The following NBAS variants were observed in gnomAD, a reference collection of about 807,000 sequenced individuals.
The protein encoded by NBAS is NBAS subunit of NRZ tethering complex, also known as NAG/BC035112 fusion.
Under a neutral mutation model 302.5 loss-of-function variants are expected in NBAS, and 219 were observed. The ratio of observed to expected loss-of-function variants is 0.72; its 90% CI spans 0.65 to 0.81. NBAS has a LOEUF of 0.81. NBAS is among the 30% of genes least tolerant of loss of function. The pLI is 0.00. For missense variants in NBAS, 2,932 were observed against 2,841.6 expected (o/e 1.03, Z -0.72); for synonymous variants, 1,118 against 1,021.6 (o/e 1.09, Z -1.80).
chr2:15,539,878 A>G (rs1335547710), intron 6 of NBAS, among the ~76,000 whole-genome samples: 1 of 152,176 alleles, frequency 6.6e-6, no homozygotes, highest in Non-Finnish European at 1.5e-5. Context: ...ACACACTCAC[A>G]CACATATACA....
chr2:15,397,370 G>T, intron 26 of NBAS: 1 of 263,566 alleles, frequency 3.8e-6, no homozygotes, highest in South Asian at 6.0e-5. Context: ...TTTTTTTTCA[G>T]TACAATTTCC....
the NBAS span, among the ~76,000 whole-genome samples, chr2:15,024,581 T>C: frequency 0.8 from 122,089 of 151,990 alleles, 49,549 homozygotes; most frequent in East Asian, 1. Context: ...TACACTCCCA[T>C]CAACAGTGTA....
Position 15,250,764 on chromosome 2 carries a change from G to A in NBAS, c.5725-12078C>T, listed in dbSNP as rs186326700. On this transcript the variant is annotated intron_variant, in intron 44 of 51. Coordinates refer to ENST00000281513, the MANE Select transcript of NBAS (RefSeq NM_015909.4). ...CAAATCAAAACCACAATGAGATACC[G>A]TCTCATGCCGGTTAGAATGGCAATC... Among the ~76,000 whole-genome samples the A allele has an allele frequency of 5.2e-3, 787 of 152,180 alleles. 4 individuals carry two copies. Among genetic ancestry groups the A allele is most frequent in the African/African-American group, 0.016 (669 of 41,530 alleles).
At chr2:15,184,383 T>C (rs1664973512) in intron 50 of NBAS, among the ~76,000 whole-genome samples, 1 of 152,056 alleles carries the variant, frequency 6.6e-6, no homozygotes, top group African/African-American at 2.4e-5. Flanking sequence ...TCTAATGAAA[T>C]AATTATACAA....
At chr2:15,010,043 A>C in the NBAS span, among the ~76,000 whole-genome samples, 1 of 152,142 alleles carries the variant, frequency 6.6e-6, no homozygotes, top group African/African-American at 2.4e-5. Context: ...GTCCCTAGAG[A>C]GATGAAAAGA....
intron 11 of NBAS, among the ~76,000 whole-genome samples, chr2:15,501,403 T>C (rs1344668089): frequency 6.6e-6 from 1 of 152,170 alleles, no homozygotes; most frequent in African/African-American, 2.4e-5. Context: ...TTATTAATTC[T>C]ATAATTCAGG....
chr2:15,269,099 C>T (rs946056443), intron 44 of NBAS, among the ~76,000 whole-genome samples: 1 of 152,130 alleles, frequency 6.6e-6, no homozygotes, highest in African/African-American at 2.4e-5. Context: ...GCCTGGGAAG[C>T]AGGTTTCTGA....
intron 16 of NBAS, among the ~76,000 whole-genome samples, chr2:15,470,653 C>T (rs938176549): frequency 3.9e-5 from 6 of 152,204 alleles, no homozygotes; most frequent in South Asian, 2.1e-4. Context: ...CTTCCAAATC[C>T]CTGCTCCAAA....
chr2:15,129,781 T>C, the NBAS span, among the ~76,000 whole-genome samples: 1 of 152,198 alleles, frequency 6.6e-6, no homozygotes, highest in Non-Finnish European at 1.5e-5. Context: ...AGTTCTCCTC[T>C]CATCTCAGCA....
chr2:15,082,327 G>A, the NBAS span, among the ~76,000 whole-genome samples: 1 of 152,174 alleles, frequency 6.6e-6, no homozygotes, highest in Non-Finnish European at 1.5e-5. Flanking sequence ...ATAATGAGCT[G>A]AGCATTGTGC....
chr2:15,044,284 T>C, the NBAS span, among the ~76,000 whole-genome samples: 3 of 152,362 alleles, frequency 2.0e-5, no homozygotes, highest in Non-Finnish European at 2.9e-5. Context: ...GAAAGGTCTT[T>C]GCATGGCTGA....
intron 21 of NBAS, among the ~76,000 whole-genome samples, chr2:15,456,914 G>A (rs1332577298): frequency 1.3e-5 from 2 of 152,182 alleles, no homozygotes; most frequent in East Asian, 3.9e-4. Flanking sequence ...AAGAGAAACA[G>A]AGTATAGGCA....
the NBAS span, among the ~76,000 whole-genome samples, chr2:15,152,411 A>G: frequency 6.6e-6 from 1 of 152,202 alleles, no homozygotes; most frequent in Non-Finnish European, 1.5e-5. Context: ...TGAATTCCTA[A>G]GTGGTAAACT....
At chr2:15,481,111 T>C (rs1680409564) in intron 12 of NBAS, among the ~76,000 whole-genome samples, 1 of 152,224 alleles carries the variant, frequency 6.6e-6, no homozygotes, top group Admixed American at 6.5e-5. Context: ...TTTCACTTAG[T>C]ATAATATTCT....
intron 31 of NBAS, among the ~76,000 whole-genome samples, chr2:15,371,477 A>G (rs1674483516): frequency 1.3e-5 from 2 of 152,270 alleles, no homozygotes; most frequent in African/African-American, 4.8e-5. Context: ...ACTTATAAAG[A>G]ATAGAATCTT....
At chr2:14,784,110 A>G in the NBAS span, among the ~76,000 whole-genome samples, 1 of 152,060 alleles carries the variant, frequency 6.6e-6, no homozygotes. Context: ...TTGGCTGCAT[A>G]AATGTCTTCT....
chr2:15,535,413 T>C (rs1663445663), intron 8 of NBAS, among the ~76,000 whole-genome samples: 1 of 151,914 alleles, frequency 6.6e-6, no homozygotes, highest in African/African-American at 2.4e-5. Flanking sequence ...TCTCAGCTAC[T>C]TGAGACACTG....
At chr2:15,018,066 C>A in the NBAS span, among the ~76,000 whole-genome samples, 2 of 151,768 alleles carry the variant, frequency 1.3e-5, no homozygotes, top group Admixed American at 6.6e-5. Flanking sequence ...TGTTTTCACT[C>A]GTATGTAGAA....
intron 38 of NBAS, among the ~76,000 whole-genome samples, chr2:15,315,066 A>G (rs1000727546): frequency 2.0e-5 from 3 of 152,240 alleles, no homozygotes; most frequent in Admixed American, 6.5e-5. Flanking sequence ...TAAGGTCTGC[A>G]TCTTGACAGG....
Sources: allele counts gnomAD v4.1 joint callset (sites outside exome capture counted in the v4.1 genomes callset), GRCh38; gene constraint gnomAD v4.1.1; transcripts MANE v1.5; gene names NCBI Gene and HGNC (gene_info 2026-07-23, HGNC 2026-07-21).